Variants in RBPJ observed in about 807,000 individuals in gnomAD.
The protein encoded by RBPJ is recombining binding protein suppressor of hairless.
A neutral mutation model predicts 67.8 loss-of-function variants in RBPJ; 9 were observed. The observed-to-expected ratio is 0.13, with a 90% CI of 0.08 to 0.23. The LOEUF is 0.23. Ranked by LOEUF, RBPJ falls within the 10% of genes least tolerant of loss-of-function variation. The pLI, the probability that RBPJ is intolerant of heterozygous loss-of-function variation, is 1.00. For synonymous variants in RBPJ, 198 were observed against 203.3 expected (o/e 0.97, Z 0.22); for missense variants, 305 against 595.6 (o/e 0.51, Z 5.08).
At chr4:26,191,545 A>G (rs1273440267) in intron 1 of RBPJ, among the ~76,000 whole-genome samples, 1 of 152,166 alleles carries the variant, frequency 6.6e-6, no homozygotes, top group African/African-American at 2.4e-5. Context: ...TGAAAGGATA[A>G]GAAGCAAAAT....
chr4:26,340,939 C>A (rs781574877), intron 1 of RBPJ, among the ~76,000 whole-genome samples: 1 of 151,298 alleles, frequency 6.6e-6, no homozygotes, highest in Non-Finnish European at 1.5e-5. Flanking sequence ...GGAAAAAAAT[C>A]ATTTTAGATG....
intron 2 of RBPJ, among the ~76,000 whole-genome samples, chr4:26,396,262 C>T (rs1172791373): frequency 6.6e-6 from 1 of 152,082 alleles, no homozygotes; most frequent in African/African-American, 2.4e-5. Flanking sequence ...CTAATTAGTC[C>T]ATAAATGGGT....
chr4:26,284,556 C>T (rs1721393529), intron 1 of RBPJ, among the ~76,000 whole-genome samples: 1 of 152,058 alleles, frequency 6.6e-6, no homozygotes, highest in African/African-American at 2.4e-5. Flanking sequence ...GCAACCTCCA[C>T]CTCCTGGATT....
At chr4:26,352,722 CTCAAACAAAA>C (rs1384735595) in intron 1 of RBPJ, among the ~76,000 whole-genome samples, 10 of 152,174 alleles carry the variant, frequency 6.6e-5, no homozygotes, top group African/African-American at 2.4e-4. Context: ...CAACAAAAAC[CTCAAACAAAA>C]TCAAACAAAA....
chr4:26,230,816 A>G (rs966611532), intron 1 of RBPJ, among the ~76,000 whole-genome samples: 3 of 152,228 alleles, frequency 2.0e-5, no homozygotes, highest in Non-Finnish European at 2.9e-5. Context: ...ATATATTTAT[A>G]GCAAAATATA....
At chr4:26,327,875 T>A (rs1300050118) in intron 1 of RBPJ, among the ~76,000 whole-genome samples, 1 of 152,106 alleles carries the variant, frequency 6.6e-6, no homozygotes, top group Non-Finnish European at 1.5e-5. Flanking sequence ...TATAAAACTT[T>A]TTTATAAGTA....
rs1416082783 is a variant in RBPJ at position 26,381,083 on chromosome 4, T to C, written c.21-5270T>C. 8.6e-5 allele frequency among the ~76,000 whole-genome samples: 13 copies of C among 150,910 alleles called. 1 individual carries two copies. The highest frequency in any genetic ancestry group is 3.2e-4 in the African/African-American group (13 of 41,034). On this transcript the variant is annotated intron_variant, in intron 1 of 10. Coordinates refer to ENST00000355476, the MANE Select transcript of RBPJ (RefSeq NM_015874.6). ...TTTTTCTGTATTCAAGAAAGTTTTT[T>C]CTTGTTTTTTTTTTTCCTTCTTTTT...
chr4:26,429,249 C>T (rs1055635877), intron 8 of RBPJ, among the ~76,000 whole-genome samples: 6 of 152,170 alleles, frequency 3.9e-5, no homozygotes, highest in Admixed American at 1.3e-4. Flanking sequence ...AGATTTATGT[C>T]GTGGTTTCCG....
chr4:26,109,436 C>A, the RBPJ span, among the ~76,000 whole-genome samples: 4 of 34,394 alleles, frequency 1.2e-4, no homozygotes, highest in African/African-American at 6.2e-4. Context: ...CTCTCTCTCT[C>A]TCTCTCTCTC....
intron 1 of RBPJ, among the ~76,000 whole-genome samples, chr4:26,355,084 A>G (rs1223436452): frequency 1.3e-5 from 2 of 152,034 alleles, no homozygotes; most frequent in African/African-American, 4.8e-5. Context: ...TTTCTCTTGT[A>G]TAGGGTAGAG....
At chr4:26,188,664 T>C in intron 1 of RBPJ, among the ~76,000 whole-genome samples, 1 of 152,196 alleles carries the variant, frequency 6.6e-6, no homozygotes, top group East Asian at 1.9e-4. Context: ...TGATGAAAAA[T>C]GTTTCATCAT....
chr4:26,186,192 TAAAAAAA>T (rs528707678), intron 1 of RBPJ, among the ~76,000 whole-genome samples: 3 of 117,068 alleles, frequency 2.6e-5, no homozygotes, highest in Non-Finnish European at 3.4e-5. Context: ...CCCTTTTTTT[TAAAAAAA>T]AAAAAAAAAA....
chr4:26,360,771 T>C (rs1727969761), intron 1 of RBPJ, among the ~76,000 whole-genome samples: 1 of 151,364 alleles, frequency 6.6e-6, no homozygotes, highest in African/African-American at 2.4e-5. Flanking sequence ...TTTTATTTTT[T>C]TTTTCTTTTG....
At chr4:26,288,069 C>T (rs1721539998) in intron 1 of RBPJ, among the ~76,000 whole-genome samples, 1 of 152,138 alleles carries the variant, frequency 6.6e-6, no homozygotes, top group Non-Finnish European at 1.5e-5. Context: ...TGATATTAGT[C>T]CTCAGTAGTG....
chr4:26,270,441 A>AAGGAAGG (rs1720879173), intron 1 of RBPJ, among the ~76,000 whole-genome samples: 1 of 116,312 alleles, frequency 8.6e-6, no homozygotes, highest in African/African-American at 3.5e-5. Flanking sequence ...AAGAAAGAAG[A>AAGGAAGG]AAGAAAGAAA....
chr4:26,141,510 A>AT, the RBPJ span, among the ~76,000 whole-genome samples: 2 of 152,138 alleles, frequency 1.3e-5, no homozygotes, highest in African/African-American at 2.4e-5. Context: ...CACAGCATCT[A>AT]TTTTTTTTAA....
intron 2 of RBPJ, among the ~76,000 whole-genome samples, chr4:26,394,077 A>G (rs1328254251): frequency 6.9e-6 from 1 of 144,594 alleles, no homozygotes; most frequent in South Asian, 2.2e-4. Flanking sequence ...CCCAGGCTGG[A>G]GTGCAGTGGC....
chr4:26,216,176 T>A (rs1269287268), intron 1 of RBPJ, among the ~76,000 whole-genome samples: 3 of 152,166 alleles, frequency 2.0e-5, no homozygotes, highest in Non-Finnish European at 4.4e-5. Context: ...TGCCTTTCTC[T>A]TGGTTTTAAG....
chr4:26,323,813 G>T (rs943997198), intron 1 of RBPJ, among the ~76,000 whole-genome samples: 2 of 152,076 alleles, frequency 1.3e-5, no homozygotes, highest in African/African-American at 4.8e-5. Flanking sequence ...CCCTTGATGG[G>T]TAAGGCATTA....
Sources: gnomAD v4.1 joint callset for allele counts (sites outside exome capture counted in the v4.1 genomes callset) on GRCh38, gnomAD v4.1.1 for gene constraint, MANE v1.5 for transcripts, NCBI Gene and HGNC (gene_info 2026-07-23, HGNC 2026-07-21) for gene names.